TMEM38B: variants seen among roughly 807,000 people sequenced by gnomAD.
TMEM38B encodes trimeric intracellular cation channel type B.
Under a neutral mutation model 28.7 loss-of-function variants are expected in TMEM38B, and 24 were observed. That is an observed-to-expected ratio of 0.84 (90% CI 0.61 to 1.18). TMEM38B has a LOEUF of 1.18. TMEM38B is among the 50% of genes most tolerant of loss of function. The probability of loss-of-function intolerance (pLI) is 0.00; values close to 1 mark genes in which losing one functional copy is unlikely to be tolerated. For missense variants in TMEM38B, 380 were observed against 350.9 expected (o/e 1.08, Z -0.66); for synonymous variants, 131 against 127.7 (o/e 1.03, Z -0.17).
At chr9:105,758,929 T>C in intron 5 of TMEM38B, 1 of 1,357,242 alleles carries the variant, frequency 7.4e-7, no homozygotes, top group Non-Finnish European at 1.1e-6. Flanking sequence ...CAAACCATTT[T>C]AGGTGTGCCA....
intron 2 of TMEM38B, among the ~76,000 whole-genome samples, chr9:105,715,696 A>G (rs1454002906): frequency 6.6e-6 from 1 of 151,208 alleles, no homozygotes; most frequent in African/African-American, 2.4e-5. Flanking sequence ...TTTATTTTGG[A>G]AATGATTTTT....
chr9:105,748,099 C>T lies in TMEM38B; in HGVS notation c.569C>T (p.Ser190Leu). The T allele has an allele frequency of 6.2e-7, 1 of 1,613,414 alleles. No individual in the cohort carries two copies. Among genetic ancestry groups the T allele is most frequent in the Non-Finnish European group, 8.5e-7 (1 of 1,179,572 alleles). ...CCTGCCAAGGTAACCCTGCTGGGGT[C>T]AGTTATCTTCACATTCCAGCACACC... ...SYPAKVTLLG[S>L]VIFTFQHTQH... is the part of the protein sequence containing the mutation. The change falls in exon 5 of 6, where the codon TCA becomes TTA. Residue 190 changes from serine (S) to leucine (L), a missense_variant. By Grantham distance (145) the Ser-to-Leu change is moderately radical. Transcript: ENST00000374692.
chr9:105,744,567 T>G (rs1363489819), intron 4 of TMEM38B, among the ~76,000 whole-genome samples: 1 of 151,520 alleles, frequency 6.6e-6, no homozygotes, highest in African/African-American at 2.4e-5. Flanking sequence ...AATTTCTTTT[T>G]TTTATTTTTT....
At chr9:105,726,787 G>A (rs1038218802) in intron 4 of TMEM38B, among the ~76,000 whole-genome samples, 1 of 151,928 alleles carries the variant, frequency 6.6e-6, no homozygotes, top group East Asian at 1.9e-4. Context: ...TATATAAATT[G>A]TATTAAAATA....
chr9:105,760,129 T>G, intron 5 of TMEM38B: 2 of 877,650 alleles, frequency 2.3e-6, no homozygotes, highest in Non-Finnish European at 3.9e-6. Context: ...GCTACAATTG[T>G]GTCGTTTGTT....
At chr9:105,743,892 ATTGT>A (rs1837294302) in intron 4 of TMEM38B, among the ~76,000 whole-genome samples, 1 of 152,202 alleles carries the variant, frequency 6.6e-6, no homozygotes, top group South Asian at 2.1e-4. Flanking sequence ...TTATGAAAAA[ATTGT>A]TATATACCCA....
At chr9:105,739,233 C>T (rs929480910) in intron 4 of TMEM38B, among the ~76,000 whole-genome samples, 1 of 151,216 alleles carries the variant, frequency 6.6e-6, no homozygotes, top group South Asian at 2.1e-4. Flanking sequence ...GTGCTAGTGC[C>T]ATACCATTTT....
chr9:105,734,809 C>T (rs1836909486), intron 4 of TMEM38B, among the ~76,000 whole-genome samples: 1 of 150,782 alleles, frequency 6.6e-6, no homozygotes, highest in African/African-American at 2.4e-5. Flanking sequence ...TTACTTTCAG[C>T]CTGTGTGCAT....
intron 4 of TMEM38B, among the ~76,000 whole-genome samples, chr9:105,735,122 AC>A (rs1322606092): frequency 6.6e-6 from 1 of 152,124 alleles, no homozygotes; most frequent in Non-Finnish European, 1.5e-5. Flanking sequence ...GTTAAAACAG[AC>A]TATTAGACTA....
At chr9:105,740,141 C>T (rs557129297) in intron 4 of TMEM38B, among the ~76,000 whole-genome samples, 8 of 152,146 alleles carry the variant, frequency 5.3e-5, no homozygotes, top group South Asian at 2.1e-4. Flanking sequence ...CCTTGGCCTC[C>T]GAAAGTGTTG....
chr9:105,717,456 A>T (rs1404394607), intron 2 of TMEM38B, among the ~76,000 whole-genome samples: 2 of 152,178 alleles, frequency 1.3e-5, no homozygotes, highest in African/African-American at 2.4e-5. Flanking sequence ...ACTGGGAACA[A>T]CTCTCTGTCA....
chr9:105,752,916 A>G (rs904199159), intron 5 of TMEM38B, among the ~76,000 whole-genome samples: 1 of 152,240 alleles, frequency 6.6e-6, no homozygotes, highest in Non-Finnish European at 1.5e-5. Flanking sequence ...GAAGCTAAGA[A>G]TCATGATAAA....
chr9:105,760,104 G>A (rs1392568811), intron 5 of TMEM38B: 3 of 914,984 alleles, frequency 3.3e-6, no homozygotes, highest in Non-Finnish European at 5.5e-6. Flanking sequence ...ATTTAGAGAG[G>A]GTTGCCATCG....
At chr9:105,702,091 A>G (rs1364431734) in intron 1 of TMEM38B, among the ~76,000 whole-genome samples, 1 of 152,160 alleles carries the variant, frequency 6.6e-6, no homozygotes, top group Non-Finnish European at 1.5e-5. Flanking sequence ...AAATCCCCCA[A>G]ACTTGATCTA....
chr9:105,758,471 A>C, intron 5 of TMEM38B: 1 of 1,345,240 alleles, frequency 7.4e-7, no homozygotes, highest in South Asian at 1.2e-5. Context: ...CAGGAGAAGC[A>C]GTGGATTGGC....
chr9:105,741,852 T>G (rs1208250971), intron 4 of TMEM38B, among the ~76,000 whole-genome samples: 1 of 152,198 alleles, frequency 6.6e-6, no homozygotes, highest in Non-Finnish European at 1.5e-5. Context: ...TTGATAAAAC[T>G]GAGATTCACT....
At chr9:105,706,225 T>A (rs1216982769) in intron 2 of TMEM38B, among the ~76,000 whole-genome samples, 1 of 152,230 alleles carries the variant, frequency 6.6e-6, no homozygotes. Context: ...GTGTAAAGTA[T>A]ATCTCTTTCT....
At chr9:105,738,403 T>C (rs1837063602) in intron 4 of TMEM38B, among the ~76,000 whole-genome samples, 1 of 152,094 alleles carries the variant, frequency 6.6e-6, no homozygotes. Context: ...ATACTCTGTT[T>C]TTGTGCTCTA....
At chr9:105,753,649 A>C (rs564176310) in intron 5 of TMEM38B, among the ~76,000 whole-genome samples, 8 of 152,316 alleles carry the variant, frequency 5.3e-5, no homozygotes, top group Admixed American at 4.6e-4. Flanking sequence ...CCTGCTTTGC[A>C]AGAGCTCCTG....
Sources: allele counts gnomAD v4.1 joint callset (sites outside exome capture counted in the v4.1 genomes callset), GRCh38; gene constraint gnomAD v4.1.1; transcripts MANE v1.5; gene names NCBI Gene and HGNC (gene_info 2026-07-23, HGNC 2026-07-21).